PDE4D: variants seen among roughly 807,000 people sequenced by gnomAD.
PDE4D encodes the protein 3',5'-cyclic-AMP phosphodiesterase 4D.
Under a neutral mutation model 87.4 loss-of-function variants are expected in PDE4D, and 24 were observed. The observed-to-expected ratio is 0.27, with a 90% CI of 0.20 to 0.39. The LOEUF (loss-of-function observed/expected upper bound fraction) is 0.39. PDE4D is among the 10% of genes least tolerant of loss of function. PDE4D has a pLI of 1.00. For missense variants in PDE4D, 714 were observed against 1,041.0 expected (o/e 0.69, Z 4.32); for synonymous variants, 384 against 383.2 (o/e 1.00, Z -0.02).
At chr5:60,489,469 A>G (rs1749401389), upstream of PDE4D, among the ~76,000 whole-genome samples, 1 of 152,210 alleles carries the variant, frequency 6.6e-6, no homozygotes, top group Non-Finnish European at 1.5e-5. Context: ...TAGATAATTG[A>G]CTGAATTCAA....
At chr5:59,211,924 G>A (rs1750173402) in intron 2 of PDE4D, among the ~76,000 whole-genome samples, 3 of 151,806 alleles carry the variant, frequency 2.0e-5, no homozygotes, top group Admixed American at 2.0e-4. Context: ...AGTATTTAAA[G>A]GTTTTCCAAA....
At chr5:59,206,882 C>T (rs1252959049) in intron 2 of PDE4D, among the ~76,000 whole-genome samples, 4 of 152,142 alleles carry the variant, frequency 2.6e-5, no homozygotes, top group Non-Finnish European at 4.4e-5. Context: ...TATGCCCCAC[C>T]GTCAAGACTT....
At chr5:59,153,320 C>G (rs1779715122) in intron 5 of PDE4D, among the ~76,000 whole-genome samples, 1 of 152,134 alleles carries the variant, frequency 6.6e-6, no homozygotes, top group Non-Finnish European at 1.5e-5. Context: ...GTCCTTTTCA[C>G]AAAAACATGT....
intron 1 of PDE4D, among the ~76,000 whole-genome samples, chr5:59,793,974 T>C (rs1160156151): frequency 6.6e-6 from 1 of 152,148 alleles, no homozygotes; most frequent in African/African-American, 2.4e-5. Flanking sequence ...TGCAGGACGT[T>C]ACCATGTGGT....
chr5:59,165,462 G>T (rs1345824529), intron 5 of PDE4D, among the ~76,000 whole-genome samples: 1 of 152,106 alleles, frequency 6.6e-6, no homozygotes, highest in Non-Finnish European at 1.5e-5. Context: ...TTTTAGTAGA[G>T]ACAGGGTTTC....
intron 1 of PDE4D, chr5:59,275,388 C>T (rs765565087): frequency 1.3e-6 from 2 of 1,596,708 alleles, no homozygotes; most frequent in South Asian, 2.2e-5. Context: ...ATCTTGGCTT[C>T]ATAATAATGC....
intron 2 of PDE4D, among the ~76,000 whole-genome samples, chr5:60,089,887 G>A (rs998448089): frequency 6.0e-5 from 9 of 151,144 alleles, no homozygotes; most frequent in African/African-American, 2.2e-4. Context: ...ACAAGATTAT[G>A]AAAATTGATA....
chr5:60,092,935 C>T (rs971949903), intron 2 of PDE4D, among the ~76,000 whole-genome samples: 5 of 152,184 alleles, frequency 3.3e-5, no homozygotes, highest in African/African-American at 9.7e-5. Context: ...ACATGACTCA[C>T]CACGAGGGAC....
upstream of PDE4D, among the ~76,000 whole-genome samples, chr5:59,895,222 T>C (rs1448993482): frequency 6.6e-6 from 1 of 152,136 alleles, no homozygotes; most frequent in Middle Eastern, 3.2e-3. Flanking sequence ...ACTGGGAAAA[T>C]AATGCCAATG....
chr5:60,151,635 C>G (rs1304492269), intron 2 of PDE4D, among the ~76,000 whole-genome samples: 1 of 152,092 alleles, frequency 6.6e-6, no homozygotes, highest in Admixed American at 6.5e-5. Context: ...CTTGTTTCAA[C>G]AGATTTTTGT....
At chr5:60,000,558 C>T (rs1763927113) in intron 2 of PDE4D, among the ~76,000 whole-genome samples, 1 of 152,132 alleles carries the variant, frequency 6.6e-6, no homozygotes, top group South Asian at 2.1e-4. Context: ...ACTTGACTTA[C>T]AAGAATTGCT....
chr5:59,723,872 C>T (rs1756216180), intron 1 of PDE4D, among the ~76,000 whole-genome samples: 2 of 152,102 alleles, frequency 1.3e-5, no homozygotes. Context: ...TTACATTAAA[C>T]AATTTTATCC....
At chr5:60,501,104 C>T (rs1037993906) in intron 1 of PDE4D, among the ~76,000 whole-genome samples, 2 of 152,086 alleles carry the variant, frequency 1.3e-5, no homozygotes, top group African/African-American at 4.8e-5. Context: ...CACCCATTAA[C>T]TCATCATTTA....
intron 1 of PDE4D, among the ~76,000 whole-genome samples, chr5:59,494,975 T>C (rs891157606): frequency 1.3e-5 from 2 of 152,190 alleles, no homozygotes; most frequent in Non-Finnish European, 2.9e-5. Context: ...CCCTTCAAGT[T>C]ACCCCCTACA....
chr5:59,469,014 C>T (rs948061168), intron 1 of PDE4D, among the ~76,000 whole-genome samples: 4 of 152,024 alleles, frequency 2.6e-5, no homozygotes, highest in East Asian at 1.9e-4. Flanking sequence ...GACATTTTTG[C>T]GGTACTAACA....
chr5:60,479,743 A>C (rs1462945231), intron 1 of PDE4D, among the ~76,000 whole-genome samples: 1 of 152,148 alleles, frequency 6.6e-6, no homozygotes. Context: ...TGTTACAATA[A>C]AACTTTATTT....
chr5:59,311,499 CAAAAAAAAAAA>C (rs35020719), intron 1 of PDE4D, among the ~76,000 whole-genome samples: 1 of 43,356 alleles, frequency 2.3e-5, no homozygotes, highest in African/African-American at 9.4e-5. Context: ...GACTCTGTCT[CAAAAAAAAAAA>C]AAAAAAAAAA....
At chr5:60,126,113 A>G (rs1299301520) in intron 2 of PDE4D, among the ~76,000 whole-genome samples, 1 of 152,120 alleles carries the variant, frequency 6.6e-6, no homozygotes, top group Admixed American at 6.6e-5. Context: ...TAAAGCTTCA[A>G]GAACAGCCTA....
intron 1 of PDE4D, among the ~76,000 whole-genome samples, chr5:59,811,156 A>G (rs1218024828): frequency 6.6e-6 from 1 of 152,228 alleles, no homozygotes; most frequent in East Asian, 1.9e-4. Flanking sequence ...AAATGTGTGA[A>G]TTTGTCCAGA....
Sources: allele counts gnomAD v4.1 joint callset (sites outside exome capture counted in the v4.1 genomes callset), GRCh38; gene constraint gnomAD v4.1.1; transcripts MANE v1.5; gene names NCBI Gene and HGNC (gene_info 2026-07-23, HGNC 2026-07-21).